The following LIFR variants were observed in gnomAD, a reference collection of about 807,000 sequenced individuals.
The protein encoded by LIFR is leukemia inhibitory factor receptor.
In LIFR, 84 loss-of-function variants were observed where a neutral mutation model predicts 122.2. The ratio of observed to expected loss-of-function variants is 0.69; its 90% CI spans 0.58 to 0.82. The LOEUF (loss-of-function observed/expected upper bound fraction) is 0.82, where lower values mean the gene tolerates loss of function less well. Among genes scored for constraint, LIFR ranks in the 40% least tolerant of loss-of-function variants. The pLI, the probability that LIFR is intolerant of heterozygous loss-of-function variation, is 0.00. For missense variants in LIFR, 1,294 were observed against 1,311.6 expected (o/e 0.99, Z 0.21); for synonymous variants, 422 against 434.7 (o/e 0.97, Z 0.36).
intron 1 of LIFR, among the ~76,000 whole-genome samples, chr5:38,555,361 G>T (rs1253398267): frequency 6.6e-6 from 1 of 152,172 alleles, no homozygotes; most frequent in Non-Finnish European, 1.5e-5. Flanking sequence ...TTCCACTTGT[G>T]AAAAGGAAAG....
chr5:38,583,701 G>C (rs1441602618), intron 1 of LIFR, among the ~76,000 whole-genome samples: 1 of 152,058 alleles, frequency 6.6e-6, no homozygotes, highest in Non-Finnish European at 1.5e-5. Flanking sequence ...ATATGAAAAG[G>C]GTACTCAACA....
chr5:38,598,610 T>C (rs1395581412), upstream of LIFR, among the ~76,000 whole-genome samples: 2 of 152,064 alleles, frequency 1.3e-5, no homozygotes, highest in Non-Finnish European at 2.9e-5. Context: ...GAGCTTTTTC[T>C]CTGCAGGCCT....
Position 38,506,094 on chromosome 5 carries a change from T to C in LIFR, c.1122-20A>G. 2.0e-6 allele frequency: 3 copies of C among 1,524,100 alleles called. No homozygotes were observed. Among genetic ancestry groups the C allele is most frequent in the Non-Finnish European group, 2.7e-6 (3 of 1,106,058 alleles). The allele number at this position is 1,524,100 out of a possible 1,614,324, so 94.4% of individuals were successfully genotyped here. On this transcript the variant is annotated intron_variant, in intron 8 of 19. Coordinates refer to ENST00000453190, the MANE Select transcript of LIFR (RefSeq NM_001127671.2). ...GAAAAACTGTTAATTAACAGAAAAA[T>C]AATTTCAAAATGGCAAGAGATAAAT...
chr5:38,520,592 A>G (rs1192646386), intron 5 of LIFR, among the ~76,000 whole-genome samples: 1 of 152,098 alleles, frequency 6.6e-6, no homozygotes, highest in Non-Finnish European at 1.5e-5. Context: ...TCTTTCATCT[A>G]TCTTGAGTTG....
chr5:38,588,823 G>C (rs925557934), intron 1 of LIFR, among the ~76,000 whole-genome samples: 5 of 151,956 alleles, frequency 3.3e-5, no homozygotes, highest in African/African-American at 1.2e-4. Flanking sequence ...TTTAGAACTG[G>C]AATTACTCTA....
intron 1 of LIFR, among the ~76,000 whole-genome samples, chr5:38,582,139 C>A (rs1749608643): frequency 2.0e-5 from 3 of 151,536 alleles, no homozygotes; most frequent in Admixed American, 2.0e-4. Context: ...TAGATCACTG[C>A]AGCCTCGAAC....
At position 38,477,331 on chromosome 5, in the gene LIFR, A is replaced by C. The variant is rs886060615; in HGVS notation, c.*4264T>G. The C allele has an allele frequency of 9.2e-6, 2 of 217,694 alleles. No individual in the cohort carries two copies. The highest frequency in any genetic ancestry group is 1.4e-4 in the East Asian group (2 of 14,566). The allele number at this position is 217,694 out of a possible 1,614,324, so 13.5% of individuals were successfully genotyped here. A position where few individuals can be genotyped will look rare whatever the true frequency, so the allele number is the denominator to read the frequency against. On this transcript the variant is annotated 3_prime_UTR_variant, in exon 20 of 20. Transcript: ENST00000453190. ...TGAATGTTCTGTAACTTTGGCCATA[A>C]ATCATTTTCTTCTATGAAAATTTTC...
intron 1 of LIFR, 66 bp from the exon 2 acceptor site, chr5:38,530,732 CACAA>C (rs1746961630): frequency 7.8e-7 from 1 of 1,281,298 alleles, no homozygotes; most frequent in African/African-American, 1.5e-5. Flanking sequence ...ATACTGTGCA[CACAA>C]ACACTCAAAT....
intron 1 of LIFR, among the ~76,000 whole-genome samples, chr5:38,555,843 C>T (rs1748496777): frequency 6.6e-6 from 1 of 152,156 alleles, no homozygotes; most frequent in Non-Finnish European, 1.5e-5. Context: ...ACAGAAATGG[C>T]ATCTTTCACA....
At chr5:38,485,686 T>C in intron 17 of LIFR, 133 bp downstream of exon 17, 1 of 955,660 alleles carries the variant, frequency 1.0e-6, no homozygotes, top group Non-Finnish European at 1.7e-6. Flanking sequence ...CCCTTCCCTC[T>C]ACCAGCCAAA....
At chr5:38,581,911 C>A (rs6878328) in intron 1 of LIFR, among the ~76,000 whole-genome samples, 16,938 of 152,160 alleles carry the variant, frequency 0.11, 2,807 homozygotes, top group African/African-American at 0.36. Context: ...CCCCATTCTT[C>A]AAACCTTCAA....
At chr5:38,510,382 C>T (rs1322779515) in intron 7 of LIFR, 82 bp downstream of exon 7, 2 of 1,274,140 alleles carry the variant, frequency 1.6e-6, no homozygotes, top group Non-Finnish European at 2.3e-6. Flanking sequence ...TCCTCCCACC[C>T]CCCCACTCCA....
chr5:38,542,984 A>C (rs1273003487), intron 1 of LIFR, among the ~76,000 whole-genome samples: 3 of 152,152 alleles, frequency 2.0e-5, no homozygotes, highest in African/African-American at 7.2e-5. Flanking sequence ...CCCTGGGAAA[A>C]AATATGTGCA....
intron 11 of LIFR, among the ~76,000 whole-genome samples, chr5:38,500,681 T>C (rs1745128137): frequency 6.6e-6 from 1 of 152,202 alleles, no homozygotes; most frequent in African/African-American, 2.4e-5. Context: ...AATTGATGCC[T>C]TCATCTTAAT....
intron 1 of LIFR, among the ~76,000 whole-genome samples, chr5:38,592,930 C>T (rs925844146): frequency 7.9e-5 from 12 of 151,946 alleles, no homozygotes; most frequent in African/African-American, 1.2e-4. Context: ...AGCAGCTGGG[C>T]GTGGTGGCTC....
At chr5:38,486,666 GC>G (rs993652374) in intron 16 of LIFR, among the ~76,000 whole-genome samples, 7 of 152,022 alleles carry the variant, frequency 4.6e-5, no homozygotes, top group African/African-American at 1.7e-4. Context: ...CACTGTAAAA[GC>G]CATGTAATCA....
intron 1 of LIFR, among the ~76,000 whole-genome samples, chr5:38,555,216 T>A (rs1170501894): frequency 6.6e-6 from 1 of 152,220 alleles, no homozygotes; most frequent in Non-Finnish European, 1.5e-5. Context: ...CACATTATAC[T>A]TAGGCTTCCT....
chr5:38,554,778 T>C (rs1420342434), intron 1 of LIFR, among the ~76,000 whole-genome samples: 1 of 152,246 alleles, frequency 6.6e-6, no homozygotes, highest in Non-Finnish European at 1.5e-5. Flanking sequence ...CCGTATCTTT[T>C]ATATCTATTG....
At chr5:38,588,711 C>G (rs10473102) in intron 1 of LIFR, among the ~76,000 whole-genome samples, 5,649 of 152,232 alleles carry the variant, frequency 0.037, 357 homozygotes, top group African/African-American at 0.13. Flanking sequence ...TAATCAAGCA[C>G]ATCTCAGATA....
Sources: allele counts gnomAD v4.1 joint callset (sites outside exome capture counted in the v4.1 genomes callset), GRCh38; gene constraint gnomAD v4.1.1; transcripts MANE v1.5; gene names NCBI Gene and HGNC (gene_info 2026-07-23, HGNC 2026-07-21).